The following PRMT2 variants were observed in gnomAD, a reference collection of about 807,000 sequenced individuals.
PRMT2 encodes the protein protein arginine N-methyltransferase 2.
Under a neutral mutation model 57.6 loss-of-function variants are expected in PRMT2, and 26 were observed. The ratio of observed to expected loss-of-function variants is 0.45; its 90% CI spans 0.33 to 0.63. The LOEUF is 0.63. Ranked by LOEUF, PRMT2 falls within the 20% of genes least tolerant of loss-of-function variation. The pLI, the probability that PRMT2 is intolerant of heterozygous loss-of-function variation, is 0.02. For missense variants in PRMT2, 472 were observed against 564.4 expected (o/e 0.84, Z 1.66); for synonymous variants, 219 against 220.0 (o/e 1.00, Z 0.04).
At chr21:46,653,936 G>GTT (rs78403994) in intron 7 of PRMT2, 214 of 954,964 alleles carry the variant, frequency 2.2e-4, no homozygotes, top group South Asian at 1.2e-3. Context: ...TTCTTTTCTT[G>GTT]TTTTTTTTTT....
intron 5 of PRMT2, 123 bp downstream of exon 5, chr21:46,644,611 C>T (rs538515153): frequency 2.1e-6 from 2 of 961,830 alleles, no homozygotes; most frequent in Admixed American, 3.3e-5. Context: ...GTTGTAGCCA[C>T]TCAGCTCTGA....
At chr21:46,653,698 A>T in intron 7 of PRMT2, 1 of 1,260,816 alleles carries the variant, frequency 7.9e-7, no homozygotes, top group Non-Finnish European at 1.0e-6. Context: ...CAGAGGTGCT[A>T]GTTCTGGTGC....
At chr21:46,662,002 A>ATGGGGTGCGCAGGAGGGGG (rs1555938203) in intron 10 of PRMT2, 66 bp downstream of exon 10, 9 of 97,568 alleles carry the variant, frequency 9.2e-5, no homozygotes, top group African/African-American at 3.1e-4. Flanking sequence ...GGGTGCGGGG[A>ATGGGGTGCGCAGGAGGGGG]TGGGGCGCGC....
At chr21:46,661,454 G>A (rs531911213) in intron 9 of PRMT2, 67 of 179,920 alleles carry the variant, frequency 3.7e-4, no homozygotes, top group Admixed American at 6.2e-4. Flanking sequence ...GAGATGGGGC[G>A]GGCGCGGTGG....
chr21:46,661,652 T>G, intron 9 of PRMT2, 148 bp from the exon 10 acceptor site: 1 of 729,122 alleles, frequency 1.4e-6, no homozygotes, highest in Non-Finnish European at 1.9e-6. Flanking sequence ...GATGCGGGTT[T>G]TGGGGGTGGT....
At position 46,649,827 on chromosome 21, in the gene PRMT2, G is replaced by T; in HGVS notation, c.654+88G>T. 1 of 1,546,338 alleles carries T rather than the reference G, an allele frequency of 6.5e-7. No individual in the cohort carries two copies. Among genetic ancestry groups the T allele is most frequent in the Non-Finnish European group, 8.8e-7 (1 of 1,141,382 alleles). On this transcript the variant is annotated intron_variant, in intron 7 of 11. Coordinates refer to ENST00000355680, the MANE Select transcript of PRMT2 (RefSeq NM_206962.4). This position sits in a 1 kb window ranked among gnomAD's most constrained non-coding sequence, Gnocchi z 4.8. ...CTGGGCCAACCTCAGGATCTCAAGG[G>T]TCGTGCGTGATTCATTTTGATGTTT...
intron 3 of PRMT2, among the ~76,000 whole-genome samples, chr21:46,640,727 A>G (rs2061257817): frequency 6.6e-6 from 1 of 151,198 alleles, no homozygotes; most frequent in East Asian, 1.9e-4. Flanking sequence ...TAATTTTGGA[A>G]AAATCTCCAC....
chr21:46,654,601 T>C (rs369473106), intron 7 of PRMT2, among the ~76,000 whole-genome samples: 8 of 152,240 alleles, frequency 5.3e-5, no homozygotes, highest in African/African-American at 1.4e-4. Flanking sequence ...ACAACCTACA[T>C]GTATTGAAAA....
At chr21:46,645,164 G>A (rs1337666506) in intron 5 of PRMT2, among the ~76,000 whole-genome samples, 1 of 1,366 alleles carries the variant, frequency 7.3e-4, no homozygotes, top group Admixed American at 9.6e-3. Flanking sequence ...CTACTCGAGA[G>A]GCTGAAGTGG....
rs2061630182 is a variant in PRMT2, at chr21:46,661,876, A to T, written c.1037A>T (p.His346Leu). Residue 346 changes from histidine (H) to leucine (L), a missense_variant, in exon 10 of 12, where the codon CAC becomes CTC. Physicochemically the swap from His to Leu is moderately conservative, Grantham distance 99. Coordinates refer to ENST00000355680, the MANE Select transcript of PRMT2 (RefSeq NM_206962.4). ...LHGFTAWFSV[H>L]FQSLQEGQPP... ...GGCTTCACGGCCTGGTTTAGCGTCCACTTCCAGAGCCTGCAGGAGGGGCAG... is the reference window on the plus strand; with the variant it reads ...GGCTTCACGGCCTGGTTTAGCGTCCTCTTCCAGAGCCTGCAGGAGGGGCAG... 4 of 1,503,206 alleles carry T rather than the reference A, an allele frequency of 2.7e-6. No homozygotes were observed. Among genetic ancestry groups the T allele is most frequent in the Admixed American group, 2.0e-5 (1 of 49,550 alleles). 93.1% of individuals were successfully genotyped at this position (1,503,206 alleles called of 1,614,324 possible).
Position 46,648,345 on chromosome 21 carries a change from T to G in PRMT2, c.328-113T>G. The G allele has an allele frequency of 1.8e-6, 2 of 1,102,532 alleles. No individual in the cohort carries two copies. Among genetic ancestry groups the G allele is most frequent in the Non-Finnish European group, 2.6e-6 (2 of 762,154 alleles). 68.3% of individuals were successfully genotyped at this position (1,102,532 alleles called of 1,614,324 possible). ...TGTCCAGGCCTTCCATAGTCTTCCA[T>G]AGGGGTGTTGGGGTCAGGGGTCATC... On this transcript the variant is annotated intron_variant, in intron 5 of 11. Coordinates refer to ENST00000355680, the MANE Select transcript of PRMT2 (RefSeq NM_206962.4). This position sits in a 1 kb window ranked among gnomAD's most constrained non-coding sequence, Gnocchi z 4.8.
chr21:46,651,107 G>A (rs1356915715), intron 7 of PRMT2, among the ~76,000 whole-genome samples: 1 of 152,204 alleles, frequency 6.6e-6, no homozygotes, highest in Non-Finnish European at 1.5e-5. Context: ...AGAGAGGCCT[G>A]GGACATTCTG....
At chr21:46,650,835 G>T (rs909436792) in intron 7 of PRMT2, among the ~76,000 whole-genome samples, 3 of 152,198 alleles carry the variant, frequency 2.0e-5, no homozygotes, top group African/African-American at 7.2e-5. Context: ...GAGGGGAGAG[G>T]AGTAGCCACT....
rs369240568 is a variant in PRMT2 at position 46,644,525 on chromosome 21, C to A, written c.327+37C>A. On this transcript the variant is annotated intron_variant, in intron 5 of 11. Transcript: ENST00000355680. ...TAAATTCCCTGTTCAGCTGGCCAGG[C>A]GGTGGGTTCTCTCTAGCTTTAGTTC... The A allele has an allele frequency of 2.6e-6, 4 of 1,543,866 alleles. No homozygotes were observed. In the South Asian group the frequency reaches 5.0e-5, roughly 19 times the overall value.
chr21:46,659,730 A>G (rs2061591743), intron 8 of PRMT2: 1 of 985,298 alleles, frequency 1.0e-6, no homozygotes, highest in South Asian at 4.7e-5. Context: ...AGTCACTGCC[A>G]GAGCCTCCCA....
At chr21:46,646,673 T>C (rs1028677803) in intron 5 of PRMT2, among the ~76,000 whole-genome samples, 2 of 152,200 alleles carry the variant, frequency 1.3e-5, no homozygotes, top group African/African-American at 4.8e-5. Context: ...TCCTGTATAA[T>C]CCTGTTAAAT....
chr21:46,665,079 T>TC lies in PRMT2; in HGVS notation c.*752_*753insC. On this transcript the variant is annotated 3_prime_UTR_variant, in exon 12 of 12. Coordinates refer to ENST00000355680, the MANE Select transcript of PRMT2 (RefSeq NM_206962.4). ...ACATCAGTAGATACATGTCCATAAT[T>TC]TTTTTTTGTATTGTTTTGATTTTTA... The TC allele has an allele frequency of 6.6e-6, 1 of 152,046 alleles. No homozygotes were observed. Among genetic ancestry groups the TC allele is most frequent in the Non-Finnish European group, 1.5e-5 (1 of 67,996 alleles). 9.4% of individuals were successfully genotyped at this position (152,046 alleles called of 1,614,324 possible).
chr21:46,662,972 C>T (rs1399377907), intron 10 of PRMT2, among the ~76,000 whole-genome samples: 1 of 152,156 alleles, frequency 6.6e-6, no homozygotes, highest in Non-Finnish European at 1.5e-5. Context: ...GCACAGCCGT[C>T]CTCCTGGCGG....
chr21:46,648,471 A>C lies in PRMT2; in HGVS notation c.341A>C (p.Glu114Ala). The C allele has an allele frequency of 6.2e-7, 1 of 1,614,074 alleles. No individual in the cohort carries two copies. Among genetic ancestry groups the C allele is most frequent in the South Asian group, 1.1e-5 (1 of 91,090 alleles). ...GSYGTLKLHL[E>A]MLADQPRTTK... ...CATTTCTTCCAGAAACTCCACTTGG[A>C]GATGTTGGCAGACCAGCCACGAACA... The change falls in exon 6 of 12, where the codon GAG becomes GCG. Residue 114 changes from glutamate to alanine, a missense_variant. Transcript: ENST00000355680. The surrounding 1 kb of genome is among the most constrained non-coding windows in gnomAD (Gnocchi z 4.8).
Sources: gnomAD v4.1 joint callset for allele counts (sites outside exome capture counted in the v4.1 genomes callset) on GRCh38, gnomAD v4.1.1 for gene constraint, Gnocchi (gnomAD v3.1) non-coding constraint, MANE v1.5 for transcripts, NCBI Gene and HGNC (gene_info 2026-07-23, HGNC 2026-07-21) for gene names.